Variants in TMOD1 observed in about 807,000 individuals in gnomAD.
The protein encoded by TMOD1 is tropomodulin-1.
TMOD1 carries 17 observed loss-of-function variants against 40.6 expected under a neutral mutation model. The observed-to-expected ratio is 0.42, with a 90% CI of 0.29 to 0.63. The LOEUF is 0.63. Ranked by LOEUF, TMOD1 falls within the 20% of genes least tolerant of loss-of-function variation. The probability of loss-of-function intolerance (pLI) is 0.22; values close to 1 mark genes in which losing one functional copy is unlikely to be tolerated. For missense variants in TMOD1, 391 were observed against 447.6 expected (o/e 0.87, Z 1.14); for synonymous variants, 181 against 175.0 (o/e 1.03, Z -0.27).
upstream of TMOD1, among the ~76,000 whole-genome samples, chr9:97,501,447 G>A (rs1829497579): frequency 2.0e-5 from 3 of 152,244 alleles, no homozygotes; most frequent in South Asian, 6.2e-4. Context: ...ACCCAGGCAG[G>A]GGCCCGCGCT....
At chr9:97,505,021 T>G (rs2131202478) in intron 1 of TMOD1, among the ~76,000 whole-genome samples, 1 of 152,220 alleles carries the variant, frequency 6.6e-6, no homozygotes. Context: ...TCTTTTGTTT[T>G]GTTTTGTAAA....
At chr9:97,515,874 G>A (rs553288014) in intron 1 of TMOD1, among the ~76,000 whole-genome samples, 41 of 152,106 alleles carry the variant, frequency 2.7e-4, no homozygotes, top group African/African-American at 9.2e-4. Flanking sequence ...GTGACAACAC[G>A]CCCCCGGGGA....
Position 97,568,970 on chromosome 9 carries a change from G to A in TMOD1, c.803G>A (p.Gly268Glu). 2 of 1,614,158 alleles carry A rather than the reference G, an allele frequency of 1.2e-6. No individual in the cohort carries two copies. The highest frequency in any genetic ancestry group is 1.7e-6 in the Non-Finnish European group (2 of 1,180,028). Residue 268 changes from glycine (G) to glutamate (E), a missense_variant, in exon 8 of 10, where the codon GGG becomes GAG. Transcript: ENST00000259365. ...NVESNFISGA[G>E]ILRLVEALPY... is the part of the protein sequence containing the mutation. ...GAATCCAACTTCATTTCTGGAGCTG[G>A]GATTCTGCGCCTGGTAGAAGCCCTC...
chr9:97,598,856 G>T (rs1281762492), intron 9 of TMOD1, among the ~76,000 whole-genome samples: 2 of 152,110 alleles, frequency 1.3e-5, no homozygotes, highest in Non-Finnish European at 2.9e-5. Context: ...ACACCAGCAG[G>T]CCTCTCGACT....
chr9:97,559,794 A>AAAAAAAAAT (rs1390791825), intron 4 of TMOD1, among the ~76,000 whole-genome samples: 3 of 23,176 alleles, frequency 1.3e-4, no homozygotes, highest in East Asian at 4.0e-3. Context: ...AAAAAAAAAA[A>AAAAAAAAAT]ATATATATAT....
intron 5 of TMOD1, 28 bp from the exon 6 acceptor site, chr9:97,564,010 G>A (rs1454665223): frequency 6.3e-7 from 1 of 1,598,264 alleles, no homozygotes; most frequent in Admixed American, 1.8e-5. Context: ...GTTTCTGTGA[G>A]CCACCTCCCT....
Position 97,530,912 on chromosome 9 carries a change from C to T in TMOD1, c.120+6604C>T, listed in dbSNP as rs575932977. On this transcript the variant is annotated intron_variant, in intron 2 of 9. Transcript: ENST00000259365. ...AAGTGATTCTCCTGCCTCAGCCTCC[C>T]AAGTAGCTGGACTTACAGGCGCACA... is the stretch of plus-strand genomic sequence containing the variant. Among the ~76,000 whole-genome samples, 12 of 151,480 alleles carry T rather than the reference C, an allele frequency of 7.9e-5. No individual in the cohort carries two copies. In the South Asian group the frequency reaches 2.1e-3, roughly 26 times the overall value.
intron 1 of TMOD1, among the ~76,000 whole-genome samples, chr9:97,515,854 C>A (rs762882881): frequency 6.6e-6 from 1 of 152,160 alleles, no homozygotes; most frequent in Non-Finnish European, 1.5e-5. Flanking sequence ...CTATCTGGAA[C>A]CCATCACAGG....
chr9:97,523,382 G>T (rs974689004), intron 1 of TMOD1, among the ~76,000 whole-genome samples: 2 of 152,174 alleles, frequency 1.3e-5, no homozygotes, highest in Non-Finnish European at 2.9e-5. Context: ...GGCTCCCTCT[G>T]GGGGGAAATG....
At chr9:97,509,195 A>C (rs191470696) in intron 1 of TMOD1, among the ~76,000 whole-genome samples, 1 of 152,354 alleles carries the variant, frequency 6.6e-6, no homozygotes. Flanking sequence ...GTCATTTATT[A>C]TGGCAGCCCT....
rs546643955 is a variant in TMOD1 at position 97,565,497 on chromosome 9, A to G, written c.619-351A>G. On this transcript the variant is annotated intron_variant, in intron 6 of 9. Transcript: ENST00000259365. ...CAGAGACACCTAGCAAGTCAGGAAC[A>G]TTGCCGATCATTGGGACCAAGGCCA... 3.3e-5 allele frequency among the ~76,000 whole-genome samples: 5 copies of G among 152,148 alleles called. No individual in the cohort carries two copies. The East Asian group carries it at 9.7e-4, about 29-fold the overall frequency.
intron 1 of TMOD1, chr9:97,512,599 C>T (rs983787680): frequency 6.6e-6 from 1 of 150,612 alleles, no homozygotes; most frequent in Admixed American, 6.6e-5. Flanking sequence ...TTACTACACA[C>T]AGTAGCACAG....
chr9:97,530,879 C>T (rs1220898038), intron 2 of TMOD1, among the ~76,000 whole-genome samples: 2 of 149,626 alleles, frequency 1.3e-5, no homozygotes, highest in African/African-American at 5.0e-5. Context: ...CTTCCGCCTC[C>T]TAGGTTCAAG....
At chr9:97,525,791 C>A (rs1398533005) in intron 2 of TMOD1, among the ~76,000 whole-genome samples, 1 of 152,246 alleles carries the variant, frequency 6.6e-6, no homozygotes, top group Non-Finnish European at 1.5e-5. Flanking sequence ...GATTCAGAGT[C>A]ATGAGGAGCC....
rs1410024858 is a variant in TMOD1 at position 97,600,405 on chromosome 9, T to TTAA, written c.*708_*709insAAT. The TTAA allele has an allele frequency of 4.1e-6, 4 of 985,836 alleles. No homozygotes were observed. The highest frequency in any genetic ancestry group is 4.8e-6 in the Non-Finnish European group (4 of 830,108). 61.1% of individuals were successfully genotyped at this position (985,836 alleles called of 1,614,324 possible). On this transcript the variant is annotated 3_prime_UTR_variant, in exon 10 of 10. Transcript: ENST00000259365. ...GCAACAAACATGTCCCTGAGTGTTCTTTAAGAACATTTGGGATTTATGTAC... is the reference window on the plus strand; with the variant it reads ...GCAACAAACATGTCCCTGAGTGTTCTTAATTAAGAACATTTGGGATTTATGTAC...
At chr9:97,574,479 G>C (rs1041702082) in intron 8 of TMOD1, among the ~76,000 whole-genome samples, 1 of 152,204 alleles carries the variant, frequency 6.6e-6, no homozygotes, top group East Asian at 1.9e-4. Flanking sequence ...TCTCCTGAGC[G>C]GCCCGAACCT....
chr9:97,525,537 G>A (rs768104016), intron 2 of TMOD1, among the ~76,000 whole-genome samples: 15 of 152,302 alleles, frequency 9.8e-5, no homozygotes, highest in Non-Finnish European at 2.1e-4. Context: ...TTCTTTACCC[G>A]ATGGGGTGAC....
chr9:97,589,135 A>G (rs1159878220), intron 8 of TMOD1, among the ~76,000 whole-genome samples: 4 of 148,506 alleles, frequency 2.7e-5, no homozygotes, highest in Admixed American at 2.0e-4. Context: ...AAAAAAAAAA[A>G]GAAGAAGAAT....
intron 2 of TMOD1, among the ~76,000 whole-genome samples, chr9:97,545,020 A>T: frequency 6.6e-6 from 1 of 152,054 alleles, no homozygotes; most frequent in East Asian, 1.9e-4. Context: ...CAAAAAAAAA[A>T]AAAAAAAGGT....
Sources: gnomAD v4.1 joint callset for allele counts (sites outside exome capture counted in the v4.1 genomes callset) on GRCh38, gnomAD v4.1.1 for gene constraint, MANE v1.5 for transcripts, NCBI Gene and HGNC (gene_info 2026-07-23, HGNC 2026-07-21) for gene names.